TTC28: variants seen among roughly 807,000 people sequenced by gnomAD.
TTC28 encodes tetratricopeptide repeat domain 28.
In TTC28, 61 loss-of-function variants were observed where a neutral mutation model predicts 198.0. The ratio of observed to expected loss-of-function variants is 0.31; its 90% CI spans 0.25 to 0.38. The LOEUF is 0.38. Ranked by LOEUF, TTC28 falls within the 10% of genes least tolerant of loss-of-function variation. The pLI, the probability that TTC28 is intolerant of heterozygous loss-of-function variation, is 1.00. For synonymous variants in TTC28, 1,171 were observed against 1,297.8 expected, an observed-to-expected ratio of 0.90 and a Z score of 2.10; for missense variants, 2,678 against 3,164.0, an observed-to-expected ratio of 0.85 and a Z score of 3.69.
intron 2 of TTC28, among the ~76,000 whole-genome samples, chr22:28,471,581 CACA>C (rs1213571478): frequency 2.0e-5 from 3 of 152,146 alleles, no homozygotes; most frequent in East Asian, 1.9e-4. Context: ...CATGAAAGGG[CACA>C]ACAAGGGAGC....
At chr22:28,196,649 A>C (rs1409199618) in intron 5 of TTC28, among the ~76,000 whole-genome samples, 4 of 152,224 alleles carry the variant, frequency 2.6e-5, no homozygotes, top group Non-Finnish European at 5.9e-5. Flanking sequence ...GACACTTCTC[A>C]AAAGAAGACA....
At chr22:28,267,091 T>G (rs1931730854) in intron 5 of TTC28, among the ~76,000 whole-genome samples, 1 of 152,192 alleles carries the variant, frequency 6.6e-6, no homozygotes, top group Non-Finnish European at 1.5e-5. Context: ...TATATTCACT[T>G]GAGAAAACTG....
intron 12 of TTC28, among the ~76,000 whole-genome samples, chr22:28,032,958 C>T (rs1305215885): frequency 6.6e-6 from 1 of 152,226 alleles, no homozygotes; most frequent in Non-Finnish European, 1.5e-5. Flanking sequence ...GCTTGAAAGG[C>T]TCCTTTGGGA....
chr22:28,349,279 C>A (rs1389780622), intron 2 of TTC28, among the ~76,000 whole-genome samples: 1 of 152,116 alleles, frequency 6.6e-6, no homozygotes, highest in African/African-American at 2.4e-5. Flanking sequence ...TGATTCAAAA[C>A]CCCTGTAATT....
chr22:28,438,277 A>G (rs2047554907), intron 2 of TTC28, among the ~76,000 whole-genome samples: 1 of 152,252 alleles, frequency 6.6e-6, no homozygotes, highest in Admixed American at 6.5e-5. Context: ...ATACAGAAAC[A>G]AAGTACTCCA....
intron 2 of TTC28, among the ~76,000 whole-genome samples, chr22:28,539,739 AGT>A (rs2049370516): frequency 6.7e-6 from 1 of 150,258 alleles, no homozygotes; most frequent in South Asian, 2.2e-4. Flanking sequence ...CCAGGGATAG[AGT>A]ATCAAGAAGA....
intron 1 of TTC28, among the ~76,000 whole-genome samples, chr22:28,645,352 G>A (rs932310760): frequency 4.4e-5 from 5 of 113,756 alleles, no homozygotes; most frequent in Non-Finnish European, 9.5e-5. Context: ...AATTCAGGCC[G>A]GCGCGGTAGC....
intron 2 of TTC28, among the ~76,000 whole-genome samples, chr22:28,339,304 G>T (rs939182783): frequency 6.6e-6 from 1 of 152,156 alleles, no homozygotes; most frequent in African/African-American, 2.4e-5. Context: ...TGCCTCTACT[G>T]GGGGGTGCCT....
At chr22:28,536,198 C>CAAAAAAAAAAAAAAAAAAA (rs59506221) in intron 2 of TTC28, among the ~76,000 whole-genome samples, 1 of 64,406 alleles carries the variant, frequency 1.6e-5, no homozygotes, top group Non-Finnish European at 2.9e-5. Flanking sequence ...GACACCGTCT[C>CAAAAAAAAAAAAAAAAAAA]AAAAAAAAAA....
At chr22:28,623,169 G>C (rs2051027585) in intron 2 of TTC28, among the ~76,000 whole-genome samples, 1 of 151,668 alleles carries the variant, frequency 6.6e-6, no homozygotes, top group East Asian at 1.9e-4. Flanking sequence ...TGTTGCCCAG[G>C]CTAGACTCCT....
intron 12 of TTC28, among the ~76,000 whole-genome samples, chr22:28,065,827 G>A (rs1007212750): frequency 2.0e-5 from 3 of 152,152 alleles, no homozygotes; most frequent in Non-Finnish European, 4.4e-5. Flanking sequence ...TTTAGAGAAG[G>A]GATTTTGGCT....
At chr22:27,988,036 G>A (rs535894619) in intron 21 of TTC28, among the ~76,000 whole-genome samples, 7 of 152,116 alleles carry the variant, frequency 4.6e-5, no homozygotes, top group Non-Finnish European at 7.4e-5. Flanking sequence ...GCAAAATGGT[G>A]AAACCCAATC....
At chr22:28,592,772 T>G (rs1466681315) in intron 2 of TTC28, among the ~76,000 whole-genome samples, 1 of 152,200 alleles carries the variant, frequency 6.6e-6, no homozygotes, top group Non-Finnish European at 1.5e-5. Flanking sequence ...TATTCTATCT[T>G]TTTTGTTTTC....
intron 5 of TTC28, among the ~76,000 whole-genome samples, chr22:28,288,930 T>C (rs2044737801): frequency 6.6e-6 from 1 of 152,188 alleles, no homozygotes; most frequent in Non-Finnish European, 1.5e-5. Context: ...TATCCTATAT[T>C]GGAAAGAAAT....
Position 27,982,257 on chromosome 22 carries a change from C to G in TTC28, c.7410G>C (p.Leu2470=). Residue 2470 remains leucine, a synonymous_variant, in exon 23 of 23, where the codon CTG becomes CTC. Coordinates refer to ENST00000397906, the MANE Select transcript of TTC28 (RefSeq NM_001145418.2). This position sits in a 1 kb window ranked among gnomAD's most constrained non-coding sequence, Gnocchi z 5.2. ...AAGAAGGGAAAAATCTTCCTGGAGA[C>G]AGGAACTTGTAGCCATTTCCAGAAG... ...RLPSGNGYKF[L]SPGRFFPSSK... 2 of 1,469,822 alleles carry G rather than the reference C, an allele frequency of 1.4e-6. No homozygotes were observed. Among genetic ancestry groups the G allele is most frequent in the Non-Finnish European group, 1.8e-6 (2 of 1,110,188 alleles). The allele number at this position is 1,469,822 out of a possible 1,614,324, so 91.0% of individuals were successfully genotyped here. A position where few individuals can be genotyped will look rare whatever the true frequency, so the allele number is the denominator to read the frequency against.
At chr22:28,662,101 T>G (rs966511042) in intron 1 of TTC28, among the ~76,000 whole-genome samples, 1 of 152,202 alleles carries the variant, frequency 6.6e-6, no homozygotes, top group Admixed American at 6.5e-5. Context: ...TAATTTCATC[T>G]TTTCATTAAA....
At chr22:28,156,386 C>T (rs1943749271) in intron 6 of TTC28, among the ~76,000 whole-genome samples, 1 of 152,220 alleles carries the variant, frequency 6.6e-6, no homozygotes, top group South Asian at 2.1e-4. Flanking sequence ...ATATATTCTC[C>T]TCTGGACTCT....
intron 3 of TTC28, among the ~76,000 whole-genome samples, 190 bp downstream of exon 3, chr22:28,306,306 T>G (rs375344388): frequency 5.9e-5 from 9 of 152,314 alleles, no homozygotes; most frequent in African/African-American, 2.2e-4. Context: ...TGAGTGGCCC[T>G]TCTACCATAC....
intron 2 of TTC28, among the ~76,000 whole-genome samples, chr22:28,596,366 G>A (rs1199056185): frequency 1.3e-5 from 2 of 152,036 alleles, no homozygotes; most frequent in African/African-American, 2.4e-5. Context: ...GGTTTTCTTG[G>A]GCCATGATAA....
Sources: gnomAD v4.1 joint callset for allele counts (sites outside exome capture counted in the v4.1 genomes callset) on GRCh38, gnomAD v4.1.1 for gene constraint, Gnocchi (gnomAD v3.1) non-coding constraint, MANE v1.5 for transcripts, NCBI Gene and HGNC (gene_info 2026-07-23, HGNC 2026-07-21) for gene names.